AATK: variants seen among roughly 807,000 people sequenced by gnomAD.
AATK encodes the protein lemur tail kinase 1.
AATK carries 91 observed loss-of-function variants against 114.3 expected under a neutral mutation model. The ratio of observed to expected loss-of-function variants is 0.80; its 90% CI spans 0.67 to 0.95. The LOEUF (loss-of-function observed/expected upper bound fraction) is 0.95. Ranked by LOEUF, AATK falls within the 40% of genes least tolerant of loss-of-function variation. AATK has a pLI of 0.00. For synonymous variants in AATK, 1,075 were observed against 916.5 expected, an observed-to-expected ratio of 1.17 and a Z score of -3.12; for missense variants, 2,176 against 1,965.2, an observed-to-expected ratio of 1.11 and a Z score of -2.03.
chr17:81,121,783 G>T lies in AATK; in HGVS notation c.2153C>A (p.Ser718Tyr). ...CPSPKQTPRA[S>Y]PEPGYPGEPL... ...CTCTCCAGGGTACCCCGGCTCGGGG[G>T]AGGCCCGTGGGGTCTGCTTTGGACT... The change falls in exon 11 of 14, where the codon TCC becomes TAC. Residue 718 changes from serine (S) to tyrosine (Y), a missense_variant. Ser to Tyr is a moderately radical substitution (Grantham distance 144). Coordinates refer to ENST00000326724, the MANE Select transcript of AATK (RefSeq NM_001080395.3). The T allele has an allele frequency of 6.4e-7, 1 of 1,553,148 alleles. No homozygotes were observed. The highest frequency in any genetic ancestry group is 1.2e-5 in the South Asian group (1 of 86,580).
At chr17:81,165,590 GC>G (rs2061477363) in intron 1 of AATK, 1 of 1,343,550 alleles carries the variant, frequency 7.4e-7, no homozygotes, top group African/African-American at 1.5e-5. Flanking sequence ...ACCCCAGCTG[GC>G]TGACACCCCC....
Position 81,120,670 on chromosome 17 carries a change from A to AC in AATK, c.3265dup (p.Val1089GlyfsTer28). ...GCAGCTGGGGCTGGGCCCAGGCCGCACCTTGGCTGGGCCTTGGGGCTCCGG... is the reference window on the plus strand; with the variant it reads ...GCAGCTGGGGCTGGGCCCAGGCCGCACCCTTGGCTGGGCCTTGGGGCTCCGG... On this transcript the variant is annotated frameshift_variant, in exon 11 of 14. Transcript: ENST00000326724. LOFTEE classifies it high-confidence loss of function. 1 of 1,517,212 alleles carries AC rather than the reference A, an allele frequency of 6.6e-7. No homozygotes were observed. The highest frequency in any genetic ancestry group is 8.8e-7 in the Non-Finnish European group (1 of 1,134,468). 94.0% of individuals were successfully genotyped at this position (1,517,212 alleles called of 1,614,324 possible).
At chr17:81,120,118 G>A (rs762797385) in intron 11 of AATK, 35 bp from the exon 12 acceptor site, 7 of 1,470,178 alleles carry the variant, frequency 4.8e-6, no homozygotes, top group Admixed American at 2.7e-5. Context: ...TAGCTCGGCC[G>A]CCAGGAGCCG....
chr17:81,127,511 CCA>C, intron 6 of AATK, 70 bp downstream of exon 6: 9 of 1,459,518 alleles, frequency 6.2e-6, no homozygotes, highest in Non-Finnish European at 8.5e-6. Context: ...GGGGGTGGCA[CCA>C]GACACTGGCA....
At position 81,126,341 on chromosome 17, in the gene AATK, C is replaced by G; in HGVS notation, c.755+86G>C. The G allele has an allele frequency of 6.8e-7, 1 of 1,467,506 alleles. No individual in the cohort carries two copies. Among genetic ancestry groups the G allele is most frequent in the Non-Finnish European group, 9.1e-7 (1 of 1,099,568 alleles). The allele number at this position is 1,467,506 out of a possible 1,614,324, so 90.9% of individuals were successfully genotyped here. On this transcript the variant is annotated intron_variant, in intron 7 of 13. Coordinates refer to ENST00000326724, the MANE Select transcript of AATK (RefSeq NM_001080395.3). The surrounding 1 kb of genome is among the most constrained non-coding windows in gnomAD (Gnocchi z 5.1). ...AACCTGGCCGGTCCTCGCAAGCCCC[C>G]TGAGGCAGGACCCGCCCTATGCCCT... is the stretch of plus-strand genomic sequence containing the variant.
chr17:81,138,910 C>A (rs150732412), intron 1 of AATK, among the ~76,000 whole-genome samples: 2 of 151,848 alleles, frequency 1.3e-5, no homozygotes, highest in African/African-American at 4.8e-5. Flanking sequence ...ACCACACATG[C>A]GTAGACAGAT....
chr17:81,127,254 A>C (rs1263567044), intron 6 of AATK, among the ~76,000 whole-genome samples: 1 of 150,630 alleles, frequency 6.6e-6, no homozygotes, highest in African/African-American at 2.5e-5. Context: ...CGTGGAGCCC[A>C]AGTGGGCCAG....
chr17:81,144,706 C>T (rs2061191143), intron 1 of AATK, among the ~76,000 whole-genome samples: 1 of 152,270 alleles, frequency 6.6e-6, no homozygotes, highest in Admixed American at 6.5e-5. Flanking sequence ...GAGAGCCCAG[C>T]TCGCTCCTGT....
Position 81,118,133 on chromosome 17 carries a change from C to T in AATK, c.*269G>A. ...TTTTGAGTGTGTATGTGTGTACAGACACCCACTGTGGCTCCAGGCGCCCCC... is the reference window on the plus strand; with the variant it reads ...TTTTGAGTGTGTATGTGTGTACAGATACCCACTGTGGCTCCAGGCGCCCCC... On this transcript the variant is annotated 3_prime_UTR_variant, in exon 14 of 14. Transcript: ENST00000326724. 5.7e-6 allele frequency: 3 copies of T among 524,264 alleles called. No individual in the cohort carries two copies. The highest frequency in any genetic ancestry group is 4.7e-5 in the South Asian group (2 of 42,194). 32.5% of individuals were successfully genotyped at this position (524,264 alleles called of 1,614,324 possible).
chr17:81,141,039 A>G (rs1349151255), intron 1 of AATK, among the ~76,000 whole-genome samples: 20 of 111,846 alleles, frequency 1.8e-4, no homozygotes, highest in African/African-American at 5.5e-4. Context: ...CGTGGGGACC[A>G]TGGGGACCGT....
chr17:81,147,023 G>A (rs148899062), intron 1 of AATK, among the ~76,000 whole-genome samples: 32 of 143,616 alleles, frequency 2.2e-4, no homozygotes, highest in South Asian at 4.3e-4. Flanking sequence ...GCCGCAGACG[G>A]AAAAAGCTAT....
At chr17:81,123,856 T>C (rs1392915072) in intron 9 of AATK, among the ~76,000 whole-genome samples, 1 of 152,042 alleles carries the variant, frequency 6.6e-6, no homozygotes. Flanking sequence ...TCCTTCCCCG[T>C]GGGCTGTGGC....
rs537622246 is a variant in AATK, at chr17:81,126,515, T to C, written c.667A>G (p.Met223Val). The C allele has an allele frequency of 2.0e-5, 31 of 1,549,698 alleles. No homozygotes were observed. The East Asian group carries it at 7.1e-4, about 35-fold the overall frequency. Residue 223 changes from methionine (M) to valine (V), a missense_variant, in exon 7 of 14, where the codon ATG (methionine) becomes GTG (valine). Coordinates refer to ENST00000326724, the MANE Select transcript of AATK (RefSeq NM_001080395.3). The surrounding 1 kb of genome is among the most constrained non-coding windows in gnomAD (Gnocchi z 5.1). ...YLRSCRVAES[M>V]APDPRTLQRM... ...TGCAGGGTCCGGGGGTCGGGAGCCA[T>C]GGACTCCGCCACCCGGCAGCTCCGC...
chr17:81,165,772 C>G, intron 1 of AATK, 166 bp downstream of exon 1: 1 of 1,510,124 alleles, frequency 6.6e-7, no homozygotes, highest in South Asian at 1.2e-5. Context: ...CCAGGGCCTG[C>G]CCCTCCGAGA....
chr17:81,134,993 G>C (rs906806723), intron 1 of AATK, among the ~76,000 whole-genome samples: 1 of 152,150 alleles, frequency 6.6e-6, no homozygotes, highest in Non-Finnish European at 1.5e-5. Flanking sequence ...GAGGTGCGGG[G>C]ACCTCACTGT....
chr17:81,127,755 C>T (rs1361524885), intron 5 of AATK, 37 bp downstream of exon 5: 10 of 1,504,730 alleles, frequency 6.6e-6, no homozygotes, highest in African/African-American at 1.4e-5. Flanking sequence ...AGGAGGGGGC[C>T]GCACAGCACA....
In AATK at chr17:81,122,649, A is replaced by C. The variant is rs1285112591; in HGVS notation, c.1287T>G (p.Gly429=). 6.8e-7 allele frequency: 1 copy of C among 1,469,324 alleles called. No homozygotes were observed. The highest frequency in any genetic ancestry group is 9.0e-7 in the Non-Finnish European group (1 of 1,106,708). 91.0% of individuals were successfully genotyped at this position (1,469,324 alleles called of 1,614,324 possible). The change falls in exon 11 of 14, where the codon GGT becomes GGG. Residue 429 remains glycine, a synonymous_variant. Transcript: ENST00000326724. ...PGGGGVGPGP[G]AAGPMLGGVV... is the part of the protein sequence containing the mutation. Reference sequence around the variant, plus strand: ...CGCCGCCCAGCATGGGCCCCGCCGCACCGGGCCCGGGCCCCACGCCGCCCC... The same window carrying C: ...CGCCGCCCAGCATGGGCCCCGCCGCCCCGGGCCCGGGCCCCACGCCGCCCC...
intron 1 of AATK, among the ~76,000 whole-genome samples, chr17:81,147,867 C>T (rs1313505951): frequency 6.6e-6 from 1 of 152,122 alleles, no homozygotes; most frequent in African/African-American, 2.4e-5. Flanking sequence ...AACGTGTCAT[C>T]GTGACTGTAG....
chr17:81,118,815 C>T (rs2060614800), intron 13 of AATK, among the ~76,000 whole-genome samples: 1 of 152,212 alleles, frequency 6.6e-6, no homozygotes, highest in Non-Finnish European at 1.5e-5. Flanking sequence ...AGCCACAGGC[C>T]AGGACAGCTA....
Sources: allele counts gnomAD v4.1 joint callset (sites outside exome capture counted in the v4.1 genomes callset), GRCh38; gene constraint gnomAD v4.1.1; non-coding constraint Gnocchi (gnomAD v3.1); transcripts MANE v1.5; gene names NCBI Gene and HGNC (gene_info 2026-07-23, HGNC 2026-07-21).